Variants in PTPRA observed in about 807,000 individuals in gnomAD.
The protein encoded by PTPRA is receptor-type tyrosine-protein phosphatase alpha.
A neutral mutation model predicts 104.8 loss-of-function variants in PTPRA; 25 were observed. The observed-to-expected ratio is 0.24, with a 90% confidence interval of 0.17 to 0.33. The LOEUF is 0.33. PTPRA is among the 10% of genes least tolerant of loss of function. The pLI, the probability that PTPRA is intolerant of heterozygous loss-of-function variation, is 1.00. For missense variants in PTPRA, 765 were observed against 1,015.3 expected, an observed-to-expected ratio of 0.75 and a Z score of 3.35; for synonymous variants, 323 against 368.9, an observed-to-expected ratio of 0.88 and a Z score of 1.43.
intron 2 of PTPRA, among the ~76,000 whole-genome samples, chr20:2,940,998 GTTCTT>G (rs2060892066): frequency 1.3e-5 from 2 of 151,288 alleles, no homozygotes; most frequent in African/African-American, 2.4e-5. Context: ...CACAAAACGT[GTTCTT>G]TTCTTCTGGT....
chr20:2,864,204 G>A, the PTPRA span: 8 of 1,614,090 alleles, frequency 5.0e-6, no homozygotes, highest in Non-Finnish European at 5.9e-6. The surrounding 1 kb of genome is among the most constrained non-coding windows in gnomAD (Gnocchi z 5.2). Flanking sequence ...CCACGCTCAG[G>A]GGAGCAGGTA....
intron 1 of PTPRA, among the ~76,000 whole-genome samples, chr20:2,920,101 T>G (rs1053763887): frequency 6.6e-6 from 1 of 152,218 alleles, no homozygotes; most frequent in Non-Finnish European, 1.5e-5. Context: ...AGAAAAAGTT[T>G]GCTAACTCAA....
chr20:2,892,977 A>G (rs1568641886), intron 1 of PTPRA, among the ~76,000 whole-genome samples: 2 of 152,248 alleles, frequency 1.3e-5, no homozygotes, highest in Non-Finnish European at 2.9e-5. Flanking sequence ...GTTTTTATAC[A>G]TTTATGAAGA....
intron 1 of PTPRA, among the ~76,000 whole-genome samples, chr20:2,898,703 T>G (rs1399589629): frequency 6.6e-6 from 1 of 150,774 alleles, no homozygotes; most frequent in Non-Finnish European, 1.5e-5. Flanking sequence ...ACTAAAAATA[T>G]AAAAATTAGC....
chr20:2,975,384 T>C (rs1190251291), intron 6 of PTPRA, 143 bp downstream of exon 6: 1 of 639,692 alleles, frequency 1.6e-6, no homozygotes, highest in Admixed American at 3.8e-5. Context: ...TCCATGTTAA[T>C]CTCATGGAGA....
intron 20 of PTPRA, among the ~76,000 whole-genome samples, chr20:3,031,537 C>G (rs980042450): frequency 1.3e-5 from 2 of 152,164 alleles, no homozygotes; most frequent in East Asian, 3.8e-4. Context: ...CTCAATCTTT[C>G]TATTCCTCAG....
rs929815713 is a variant in PTPRA, at chr20:3,008,926, CA to C, written c.906+1510del. On this transcript the variant is annotated intron_variant, in intron 11 of 23. Coordinates refer to ENST00000399903, the MANE Select transcript of PTPRA (RefSeq NM_001385305.1). ...GACTGTCTCAAAAAAAAAGAAGAGT[CA>C]AAATGGCTAAAATCGTAAATTTTAT... 2.2e-3 allele frequency among the ~76,000 whole-genome samples: 338 copies of C among 151,016 alleles called. 3 individuals carry two copies. The highest frequency in any genetic ancestry group is 7.8e-3 in the African/African-American group (322 of 41,136).
At chr20:2,896,376 C>T (rs1028855006) in intron 1 of PTPRA, among the ~76,000 whole-genome samples, 1 of 152,066 alleles carries the variant, frequency 6.6e-6, no homozygotes, top group Non-Finnish European at 1.5e-5. Flanking sequence ...GAGACTCCGT[C>T]TCAAAAACAA....
intron 2 of PTPRA, among the ~76,000 whole-genome samples, chr20:2,927,596 T>C (rs1051224661): frequency 2.6e-5 from 4 of 152,246 alleles, no homozygotes; most frequent in African/African-American, 9.6e-5. Flanking sequence ...CACTGTTTTT[T>C]AGGCTGTCTA....
intron 1 of PTPRA, among the ~76,000 whole-genome samples, chr20:2,895,399 T>C (rs900283253): frequency 6.6e-6 from 1 of 152,002 alleles, no homozygotes; most frequent in African/African-American, 2.4e-5. Flanking sequence ...CATATTCTTT[T>C]AGACCCAGCT....
At chr20:3,007,268 C>A in intron 10 of PTPRA, 76 bp from the exon 11 acceptor site, 1 of 1,415,470 alleles carries the variant, frequency 7.1e-7, no homozygotes, top group South Asian at 1.2e-5. Flanking sequence ...ACAGATGTCT[C>A]AACTGTCCTG....
At chr20:3,027,917 A>T (rs765607805) in intron 20 of PTPRA, 76 bp downstream of exon 20, 3 of 1,579,010 alleles carry the variant, frequency 1.9e-6, no homozygotes, top group Non-Finnish European at 2.6e-6. Flanking sequence ...GGACGTTGGG[A>T]AGGCAAGAAG....
chr20:3,033,168 C>T (rs959125842), intron 20 of PTPRA, among the ~76,000 whole-genome samples: 2 of 151,946 alleles, frequency 1.3e-5, no homozygotes, highest in African/African-American at 4.8e-5. Context: ...TGCCAGGGAT[C>T]CTCAATCTGC....
At chr20:2,953,323 C>T (rs575718279) in intron 3 of PTPRA, among the ~76,000 whole-genome samples, 31 of 152,038 alleles carry the variant, frequency 2.0e-4, no homozygotes, top group South Asian at 6.2e-4. Flanking sequence ...GGCGCAATCT[C>T]GGCTCACTGC....
At chr20:2,904,017 G>A (rs934674740) in intron 1 of PTPRA, among the ~76,000 whole-genome samples, 7 of 151,734 alleles carry the variant, frequency 4.6e-5, no homozygotes, top group African/African-American at 1.5e-4. Context: ...CAGTCCTCCC[G>A]CCTCAGTCTC....
At chr20:2,911,490 G>C (rs1427422390) in intron 1 of PTPRA, among the ~76,000 whole-genome samples, 1 of 152,132 alleles carries the variant, frequency 6.6e-6, no homozygotes, top group Non-Finnish European at 1.5e-5. Flanking sequence ...CTATGTTGAT[G>C]ATGTCATTAA....
At chr20:2,969,577 G>A (rs867039942) in intron 5 of PTPRA, among the ~76,000 whole-genome samples, 24 of 146,968 alleles carry the variant, frequency 1.6e-4, no homozygotes, top group South Asian at 9.1e-4. Context: ...TAAATAGGCC[G>A]GGCGCGGCGG....
chr20:2,884,800 TTTG>T (rs1451387501), intron 1 of PTPRA, among the ~76,000 whole-genome samples: 7 of 120,876 alleles, frequency 5.8e-5, no homozygotes, highest in Admixed American at 9.9e-5. Flanking sequence ...TCTGGTTTTT[TTTG>T]TTTTTTTTGT....
Position 3,005,084 on chromosome 20 carries a change from C to A in PTPRA, c.767C>A (p.Thr256Asn). The change falls in exon 10 of 24, where the codon ACC (threonine) becomes AAC (asparagine). Residue 256 changes from threonine to asparagine, a missense_variant. By Grantham distance (65) the Thr-to-Asn change is moderately conservative. Transcript: ENST00000399903. ...CTCCCTGCATGTCCTATCCAGGCCA[C>A]CTGTGAGGCTGCTTCCAAGGAGGAA... ...NALPACPIQA[T>N]CEAASKEENK... 6.2e-7 allele frequency: 1 copy of A among 1,611,402 alleles called. No individual in the cohort carries two copies. The highest frequency in any genetic ancestry group is 8.5e-7 in the Non-Finnish European group (1 of 1,177,572).
Sources: gnomAD v4.1 joint callset for allele counts (sites outside exome capture counted in the v4.1 genomes callset) on GRCh38, gnomAD v4.1.1 for gene constraint, Gnocchi (gnomAD v3.1) non-coding constraint, MANE v1.5 for transcripts, NCBI Gene and HGNC (gene_info 2026-07-23, HGNC 2026-07-21) for gene names.